Variants in ERC2 observed in about 807,000 individuals in gnomAD.
ERC2 encodes the protein ERC protein 2.
ERC2 carries 42 observed loss-of-function variants against 114.8 expected under a neutral mutation model. The observed-to-expected ratio is 0.37, with a 90% CI of 0.29 to 0.47. The LOEUF (loss-of-function observed/expected upper bound fraction) is 0.47. Among genes scored for constraint, ERC2 ranks in the 20% least tolerant of loss-of-function variants. The pLI, the probability that ERC2 is intolerant of heterozygous loss-of-function variation, is 0.99. For missense variants in ERC2, 939 were observed against 1,150.7 expected, an observed-to-expected ratio of 0.82 and a Z score of 2.66; for synonymous variants, 454 against 425.5, an observed-to-expected ratio of 1.07 and a Z score of -0.82.
intron 14 of ERC2, among the ~76,000 whole-genome samples, chr3:55,799,739 G>A (rs1559675394): frequency 1.3e-5 from 2 of 151,936 alleles, no homozygotes; most frequent in South Asian, 2.1e-4. Flanking sequence ...CCCCTCTCAC[G>A]AAAACACCTA....
intron 14 of ERC2, among the ~76,000 whole-genome samples, chr3:55,798,625 C>T (rs139548930): frequency 2.1e-3 from 315 of 150,968 alleles, no homozygotes; most frequent in Middle Eastern, 3.4e-3. Context: ...AAGAAAGAAT[C>T]ACAGAGGAAA....
rs1292663012 is a variant in ERC2 at position 56,158,704 on chromosome 3, C to G, written c.1150-9572G>C. On this transcript the variant is annotated intron_variant, in intron 4 of 17. Coordinates refer to ENST00000288221, the MANE Select transcript of ERC2 (RefSeq NM_015576.3). ...TTTCCATAAATAACCTAACCTTCTC[C>G]TCTTTGGAACCTTCTCAGTTCAGAA... Among the ~76,000 whole-genome samples, 3 of 151,958 alleles carry G rather than the reference C, an allele frequency of 2.0e-5. No individual in the cohort carries two copies. In the East Asian group the frequency reaches 5.8e-4, roughly 29 times the overall value.
intron 17 of ERC2, among the ~76,000 whole-genome samples, chr3:55,537,465 T>C (rs2054075063): frequency 6.6e-6 from 1 of 152,234 alleles, no homozygotes. Context: ...GTAAATGTTA[T>C]AGTCAGCTAG....
chr3:55,822,322 C>T (rs1222031047), intron 14 of ERC2, among the ~76,000 whole-genome samples: 1 of 152,102 alleles, frequency 6.6e-6, no homozygotes, highest in African/African-American at 2.4e-5. Flanking sequence ...GACTTAAAAT[C>T]AACTAACACA....
At chr3:55,961,610 T>C (rs13068798) in intron 12 of ERC2, among the ~76,000 whole-genome samples, 9,196 of 152,200 alleles carry the variant, frequency 0.06, 404 homozygotes, top group Non-Finnish European at 0.093. Flanking sequence ...TTTCTGCTGG[T>C]GACAATTTAA....
chr3:55,939,277 A>G (rs1322061121), intron 13 of ERC2, among the ~76,000 whole-genome samples: 1 of 152,242 alleles, frequency 6.6e-6, no homozygotes, highest in Non-Finnish European at 1.5e-5. Flanking sequence ...TCAAACTCTA[A>G]TCCAAGAAGT....
intron 3 of ERC2, among the ~76,000 whole-genome samples, chr3:56,288,468 T>C (rs972309395): frequency 2.6e-5 from 4 of 152,192 alleles, no homozygotes; most frequent in Admixed American, 6.5e-5. Context: ...TTGTGTCTAA[T>C]GGCTTTCTGG....
At chr3:56,183,427 G>A (rs564906151) in intron 3 of ERC2, among the ~76,000 whole-genome samples, 8 of 152,298 alleles carry the variant, frequency 5.3e-5, no homozygotes, top group African/African-American at 1.4e-4. Context: ...ATTTCATCGC[G>A]TAGAGAGGTT....
intron 3 of ERC2, among the ~76,000 whole-genome samples, chr3:56,213,272 A>G (rs1228758700): frequency 2.6e-5 from 4 of 152,196 alleles, no homozygotes; most frequent in Non-Finnish European, 5.9e-5. Context: ...CTAGCCAAGG[A>G]AAGGGGTGAC....
rs2056447082 is a variant in ERC2, at chr3:55,567,488, GC to G, written c.*40-56213del. Among the ~76,000 whole-genome samples the G allele has an allele frequency of 2.0e-5, 3 of 152,154 alleles. No individual in the cohort carries two copies. The South Asian group carries it at 6.2e-4, about 32-fold the overall frequency. The stretch of plus-strand genomic sequence containing the variant: ...TTCCACTGGAGGGTTTTTAGGGAGA[GC>G]TTGATCTGATTTTCATTTCAAAAAC... On this transcript the variant is annotated intron_variant, in intron 17 of 17. Transcript: ENST00000288221.
chr3:56,270,058 A>G (rs1344900093), intron 3 of ERC2, among the ~76,000 whole-genome samples: 1 of 99,648 alleles, frequency 1.0e-5, no homozygotes, highest in Non-Finnish European at 2.4e-5. Flanking sequence ...CCCTACACCC[A>G]AACCATTTAA....
rs1459052598 is a variant in ERC2 at position 55,952,173 on chromosome 3, ACACACACTCTCT to A, written c.2268-1625_2268-1614del. Among the ~76,000 whole-genome samples, 71 of 56,018 alleles carry A rather than the reference ACACACACTCTCT, an allele frequency of 1.3e-3. 2 individuals carry two copies. The highest frequency in any genetic ancestry group is 2.2e-3 in the Non-Finnish European group (57 of 26,024). 36.7% of individuals were successfully genotyped at this position (56,018 alleles called of 152,430 possible). On this transcript the variant is annotated intron_variant, in intron 12 of 17. Coordinates refer to ENST00000288221, the MANE Select transcript of ERC2 (RefSeq NM_015576.3). ...CACACACACACACACACACACACAC[ACACACACTCTCT>A]CTCTCTCTCTCTCTATATATATATA...
At chr3:56,135,370 C>T (rs1161747226) in intron 6 of ERC2, among the ~76,000 whole-genome samples, 4 of 152,150 alleles carry the variant, frequency 2.6e-5, no homozygotes, top group South Asian at 2.1e-4. Flanking sequence ...TATAGAAGTC[C>T]GAGGTCTATA....
At chr3:55,844,614 T>C (rs2061273773) in intron 14 of ERC2, among the ~76,000 whole-genome samples, 1 of 152,244 alleles carries the variant, frequency 6.6e-6, no homozygotes, top group African/African-American at 2.4e-5. Context: ...ATTAGTTACA[T>C]GGGTGTGTTC....
intron 13 of ERC2, among the ~76,000 whole-genome samples, chr3:55,914,772 T>C (rs1158269748): frequency 6.6e-6 from 1 of 152,144 alleles, no homozygotes; most frequent in Non-Finnish European, 1.5e-5. Flanking sequence ...ACTTTGATGA[T>C]CTCTTGAACT....
At chr3:56,063,431 T>C (rs1188720837) in intron 7 of ERC2, among the ~76,000 whole-genome samples, 1 of 152,256 alleles carries the variant, frequency 6.6e-6, no homozygotes, top group Non-Finnish European at 1.5e-5. Context: ...CTTAAAAAAT[T>C]GAGGAGTTTA....
chr3:56,210,570 G>A (rs1235385652), intron 3 of ERC2, among the ~76,000 whole-genome samples: 1 of 152,134 alleles, frequency 6.6e-6, no homozygotes, highest in Non-Finnish European at 1.5e-5. Flanking sequence ...TTCCACAACT[G>A]AAGACTCAAA....
At chr3:55,892,290 A>T (rs1269248745) in intron 13 of ERC2, among the ~76,000 whole-genome samples, 1 of 152,228 alleles carries the variant, frequency 6.6e-6, no homozygotes, top group Non-Finnish European at 1.5e-5. Flanking sequence ...GGATCATTTG[A>T]TCACAAATGG....
intron 3 of ERC2, among the ~76,000 whole-genome samples, chr3:56,225,358 C>G (rs959653462): frequency 6.6e-6 from 1 of 152,200 alleles, no homozygotes; most frequent in African/African-American, 2.4e-5. Context: ...CAACTTCAGA[C>G]AAGGTTACAC....
Sources: allele counts gnomAD v4.1 joint callset (sites outside exome capture counted in the v4.1 genomes callset), GRCh38; gene constraint gnomAD v4.1.1; transcripts MANE v1.5; gene names NCBI Gene and HGNC (gene_info 2026-07-23, HGNC 2026-07-21).